Variants in ZAN observed in about 807,000 individuals in gnomAD.
ZAN encodes zonadhesin (gene/pseudogene).
ZAN carries 260 observed loss-of-function variants against 286.2 expected under a neutral mutation model. That is an observed-to-expected ratio of 0.91 (90% confidence interval 0.82 to 1.01). The LOEUF is 1.01. ZAN is among the 50% of genes least tolerant of loss of function. The pLI is 0.00. For missense variants in ZAN, 3,410 were observed against 3,639.2 expected (o/e 0.94, Z 1.62); for synonymous variants, 1,368 against 1,417.5 (o/e 0.97, Z 0.79).
At chr7:100,775,917 A>C (rs890716429) in intron 33 of ZAN, 84 bp downstream of exon 33, 1 of 1,538,496 alleles carries the variant, frequency 6.5e-7, no homozygotes, top group Non-Finnish European at 8.8e-7. Context: ...CAGTGTTCGC[A>C]TCGTGCCTGC....
At position 100,763,758 on chromosome 7, in the gene ZAN, C is replaced by A; in HGVS notation, c.3987-48C>A. 3 of 1,576,880 alleles carry A rather than the reference C, an allele frequency of 1.9e-6. No homozygotes were observed. The highest frequency in any genetic ancestry group is 2.6e-6 in the Non-Finnish European group (3 of 1,152,166). On this transcript the variant is annotated intron_variant, in intron 20 of 47. Transcript: ENST00000613979. The surrounding 1 kb of genome is among the most constrained non-coding windows in gnomAD (Gnocchi z 4.6). ...TGCTGCCTGCTGGGTTAGGGATGAG[C>A]TGGAAGCGAGCTTTGTCTTTAGGGA...
At chr7:100,760,922 T>C (rs1257592645) in intron 19 of ZAN, among the ~76,000 whole-genome samples, 1 of 151,990 alleles carries the variant, frequency 6.6e-6, no homozygotes, top group Non-Finnish European at 1.5e-5. Context: ...TGAGACAGGA[T>C]CTCTCGCTCT....
At chr7:100,750,172 C>G (rs146926766) in intron 11 of ZAN, among the ~76,000 whole-genome samples, 1 of 150,820 alleles carries the variant, frequency 6.6e-6, no homozygotes, top group South Asian at 2.1e-4. Context: ...GAGTCTTGCT[C>G]TGTTGCCAGG....
At position 100,763,146 on chromosome 7, in the gene ZAN, G is replaced by A. The variant is rs143716534; in HGVS notation, c.3987-660G>A. Reference sequence around the variant, plus strand: ...CACCTGTCTGATTTTTGTATTTTTAGTAGAGACGGGGTTTCATCATGTTGG... The same window carrying A: ...CACCTGTCTGATTTTTGTATTTTTAATAGAGACGGGGTTTCATCATGTTGG... On this transcript the variant is annotated intron_variant, in intron 20 of 47. Coordinates refer to ENST00000613979, the MANE Select transcript of ZAN (RefSeq NM_003386.3). This position sits in a 1 kb window ranked among gnomAD's most constrained non-coding sequence, Gnocchi z 4.6. Among the ~76,000 whole-genome samples, 754 of 151,458 alleles carry A rather than the reference G, an allele frequency of 5.0e-3. 5 individuals carry two copies. The highest frequency in any genetic ancestry group is 0.017 in the African/African-American group (711 of 41,282).
At chr7:100,757,754 C>CA (rs1166217824) in intron 15 of ZAN, among the ~76,000 whole-genome samples, 1,303 of 57,132 alleles carry the variant, frequency 0.023, 14 homozygotes, top group African/African-American at 0.053. Context: ...GACTCCGTCT[C>CA]AAAAAAAAAA....
rs1249769798 is a variant in ZAN, at chr7:100,789,263, C to G, written c.7273C>G (p.Leu2425Val). 9 of 1,613,848 alleles carry G rather than the reference C, an allele frequency of 5.6e-6. No homozygotes were observed. The highest frequency in any genetic ancestry group is 7.6e-6 in the Non-Finnish European group (9 of 1,179,894). ...MAVPYRPNEH[L>V]RVTLWGQRLY... ...CGTCCCCTACAGGCCAAATGAACAC[C>G]TGCGGGTCACCCTGTGGGGCCAACG... The change falls in exon 39 of 48, where the codon CTG (leucine) becomes GTG (valine). Residue 2425 changes from leucine to valine, a missense_variant. Coordinates refer to ENST00000613979, the MANE Select transcript of ZAN (RefSeq NM_003386.3).
At chr7:100,751,021 T>C (rs1032641963) in intron 12 of ZAN, 125 bp downstream of exon 12, 43 of 1,441,368 alleles carry the variant, frequency 3.0e-5, no homozygotes, top group Non-Finnish European at 3.9e-5. Flanking sequence ...GGGAACTTCG[T>C]GTTACAGAAA....
In ZAN at chr7:100,797,448, C is replaced by G; in HGVS notation, c.8349C>G (p.Tyr2783Ter). ...TGGCCGTGACCAGAGAGTGCATTTA[C>G]AGAACGAGGAGGAAGAGGTGAGTCC... is the stretch of plus-strand genomic sequence containing the variant. Reference protein sequence around the residue: ...VLLAVTRECIYRTRRKREKTQ... With the variant: ...VLLAVTRECI The change falls in exon 46 of 48, where the codon TAC becomes TAG. Residue 2783 changes from tyrosine (Y) to a stop codon, truncating the protein, a stop_gained. Transcript: ENST00000613979. LOFTEE classifies it high-confidence loss of function. The G allele has an allele frequency of 6.2e-7, 1 of 1,613,872 alleles. No individual in the cohort carries two copies. Among genetic ancestry groups the G allele is most frequent in the Non-Finnish European group, 8.5e-7 (1 of 1,179,872 alleles).
intron 38 of ZAN, among the ~76,000 whole-genome samples, chr7:100,788,855 T>C (rs549664923): frequency 3.8e-4 from 58 of 152,160 alleles, no homozygotes; most frequent in African/African-American, 1.4e-3. Context: ...TGCACCACCA[T>C]GTCTGGCTAA....
chr7:100,738,336 T>G, intron 6 of ZAN, 125 bp from the exon 7 acceptor site: 1 of 934,916 alleles, frequency 1.1e-6, no homozygotes, highest in South Asian at 1.5e-5. Context: ...GAGGACCGCT[T>G]GAGTCCAGGA....
chr7:100,775,077 G>A (rs533178316), intron 31 of ZAN, among the ~76,000 whole-genome samples: 3 of 152,150 alleles, frequency 2.0e-5, no homozygotes, highest in Admixed American at 6.5e-5. Flanking sequence ...ACAGGCACAC[G>A]TCACCACACC....
At chr7:100,784,534 C>A in intron 35 of ZAN, 89 bp from the exon 36 acceptor site, 1 of 1,319,896 alleles carries the variant, frequency 7.6e-7, no homozygotes, top group Non-Finnish European at 1.1e-6. Context: ...CCTTGTTGGT[C>A]ATCCACCCAT....
intron 7 of ZAN, among the ~76,000 whole-genome samples, chr7:100,745,457 C>A (rs1376999056): frequency 6.6e-6 from 1 of 151,712 alleles, no homozygotes; most frequent in Admixed American, 6.6e-5. Context: ...CTAGCGAGGT[C>A]CACGCTGATT....
In ZAN at chr7:100,763,841, G is replaced by A. The variant is rs2116000693; in HGVS notation, c.4022G>A (p.Cys1341Tyr). 4 of 1,614,056 alleles carry A rather than the reference G, an allele frequency of 2.5e-6. No homozygotes were observed. The highest frequency in any genetic ancestry group is 3.4e-6 in the Non-Finnish European group (4 of 1,179,898). ...TACCAGGTGGTGAATTCCCCGTCTTGTGATTCATCTCTGCAGAGCAGCATG... is the reference window on the plus strand; with the variant it reads ...TACCAGGTGGTGAATTCCCCGTCTTATGATTCATCTCTGCAGAGCAGCATG... ...QKYQVVNSPS[C>Y]DSSLQSSMSG... Residue 1341 changes from cysteine (C) to tyrosine (Y), a missense_variant, in exon 21 of 48, where the codon TGT becomes TAT. Physicochemically the swap from Cys to Tyr is radical, Grantham distance 194. Transcript: ENST00000613979. The surrounding 1 kb of genome is among the most constrained non-coding windows in gnomAD (Gnocchi z 4.6).
Position 100,788,021 on chromosome 7 carries a change from T to G in ZAN, c.7112T>G (p.Leu2371Arg), listed in dbSNP as rs1562955672. 2 of 1,570,776 alleles carry G rather than the reference T, an allele frequency of 1.3e-6. No individual in the cohort carries two copies. Among genetic ancestry groups the G allele is most frequent in the Non-Finnish European group, 8.7e-7 (1 of 1,150,542 alleles). ...GTACTGCCTGAGGGGGTGGAGCCCCTCCTCGTGGAAGGACGCAACAAGATG... is the reference window on the plus strand; with the variant it reads ...GTACTGCCTGAGGGGGTGGAGCCCCGCCTCGTGGAAGGACGCAACAAGATG... ...VDVLPEGVEP[L>R]LVEGRNKMDP... The change falls in exon 38 of 48, where the codon CTC becomes CGC. Residue 2371 changes from leucine to arginine, a missense_variant. Leu to Arg is a moderately radical substitution (Grantham distance 102). Coordinates refer to ENST00000613979, the MANE Select transcript of ZAN (RefSeq NM_003386.3).
chr7:100,763,835 C>A lies in ZAN; in HGVS notation c.4016C>A (p.Pro1339Gln). 1.2e-6 allele frequency: 2 copies of A among 1,614,010 alleles called. No individual in the cohort carries two copies. The highest frequency in any genetic ancestry group is 3.3e-5 in the Admixed American group (2 of 60,024). Residue 1339 changes from proline to glutamine, a missense_variant, in exon 21 of 48, where the codon CCG becomes CAG. Physicochemically the swap from Pro to Gln is moderately conservative, Grantham distance 76. Around this residue, in one of 7 missense-constraint regions of ZAN, gnomAD observed 1,042 missense variants for 1,058.0 expected, o/e 0.98. Coordinates refer to ENST00000613979, the MANE Select transcript of ZAN (RefSeq NM_003386.3). The surrounding 1 kb of genome is among the most constrained non-coding windows in gnomAD (Gnocchi z 4.6). ...ECQKYQVVNS[P>Q]SCDSSLQSSM... ...CAGAAGTACCAGGTGGTGAATTCCC[C>A]GTCTTGTGATTCATCTCTGCAGAGC...
At position 100,767,194 on chromosome 7, in the gene ZAN, C is replaced by A. The variant is rs1810044174; in HGVS notation, c.4797C>A (p.Ile1599=). 1 of 1,613,566 alleles carries A rather than the reference C, an allele frequency of 6.2e-7. No individual in the cohort carries two copies. The highest frequency in any genetic ancestry group is 8.5e-7 in the Non-Finnish European group (1 of 1,179,870). ...NRGGILEVSY[I]KAVHVTVFDL... The stretch of plus-strand genomic sequence containing the variant: ...GGGGGATCCTGGAGGTCTCCTACAT[C>A]AAAGCCGTCCACGTGACAGTCTTTG... The change falls in exon 25 of 48, where the codon ATC becomes ATA. Residue 1599 remains isoleucine (I), a synonymous_variant. Coordinates refer to ENST00000613979, the MANE Select transcript of ZAN (RefSeq NM_003386.3).
chr7:100,790,189 A>T (rs1398471937), intron 39 of ZAN, among the ~76,000 whole-genome samples: 1 of 152,094 alleles, frequency 6.6e-6, no homozygotes, highest in Non-Finnish European at 1.5e-5. Flanking sequence ...GCTTGAGCCC[A>T]GAAGTTGGAG....
intron 24 of ZAN, 129 bp from the exon 25 acceptor site, chr7:100,766,881 G>A (rs552806733): frequency 6.6e-7 from 1 of 1,513,108 alleles, no homozygotes; most frequent in South Asian, 1.3e-5. Flanking sequence ...ACACTTCCTA[G>A]GGAAACACCA....
Sources: gnomAD v4.1 joint callset for allele counts (sites outside exome capture counted in the v4.1 genomes callset) on GRCh38, gnomAD v4.1.1 for gene constraint, gnomAD v4.1.1 regional missense constraint, Gnocchi (gnomAD v3.1) non-coding constraint, MANE v1.5 for transcripts, NCBI Gene and HGNC (gene_info 2026-07-23, HGNC 2026-07-21) for gene names.